SCARB1: variants seen among roughly 807,000 people sequenced by gnomAD.
The protein encoded by SCARB1 is scavenger receptor class B member 1.
In SCARB1, 30 loss-of-function variants were observed where a neutral mutation model predicts 57.2. The observed-to-expected ratio is 0.52, with a 90% confidence interval of 0.39 to 0.71. The LOEUF (loss-of-function observed/expected upper bound fraction) is 0.71. Ranked by LOEUF, SCARB1 falls within the 30% of genes least tolerant of loss-of-function variation. The probability of loss-of-function intolerance (pLI) is 0.00; values close to 1 mark genes in which losing one functional copy is unlikely to be tolerated. For synonymous variants in SCARB1, 249 were observed against 268.3 expected, an observed-to-expected ratio of 0.93 and a Z score of 0.70; for missense variants, 543 against 671.2, an observed-to-expected ratio of 0.81 and a Z score of 2.11.
intron 12 of SCARB1, among the ~76,000 whole-genome samples, chr12:124,780,965 A>G (rs775239935): frequency 6.6e-6 from 1 of 152,194 alleles, no homozygotes; most frequent in Non-Finnish European, 1.5e-5. Context: ...CAAACCGTGC[A>G]CAGCACTACG....
chr12:124,795,072 G>C (rs1235623919), intron 9 of SCARB1, 123 bp downstream of exon 9: 16 of 847,110 alleles, frequency 1.9e-5, no homozygotes, highest in Non-Finnish European at 3.1e-5. Flanking sequence ...ACCCCCAATA[G>C]GACCCTCTCC....
chr12:124,840,986 T>C (rs142809418), intron 1 of SCARB1, among the ~76,000 whole-genome samples: 4,670 of 151,868 alleles, frequency 0.031, 489 homozygotes, highest in East Asian at 0.24. Flanking sequence ...CTGCCCAACA[T>C]GGTGAAACAC....
chr12:124,861,051 A>C (rs568311763), intron 1 of SCARB1, among the ~76,000 whole-genome samples: 2 of 152,276 alleles, frequency 1.3e-5, no homozygotes, highest in South Asian at 4.1e-4. Context: ...GGGGAATAAA[A>C]TGGGGGAAAC....
intron 1 of SCARB1, among the ~76,000 whole-genome samples, chr12:124,832,408 T>C (rs1455452429): frequency 6.6e-6 from 1 of 151,918 alleles, no homozygotes; most frequent in African/African-American, 2.4e-5. Context: ...TGGTCCCAGC[T>C]ACTTGGGAGG....
At chr12:124,791,631 C>T (rs1013904393) in intron 9 of SCARB1, among the ~76,000 whole-genome samples, 2 of 152,166 alleles carry the variant, frequency 1.3e-5, no homozygotes, top group East Asian at 1.9e-4. Context: ...CACTGAGGGG[C>T]GGTGACGAAA....
chr12:124,778,620 C>A (rs553963481), intron 12 of SCARB1, 34 bp from the exon 13 acceptor site: 1 of 1,410,080 alleles, frequency 7.1e-7, no homozygotes, highest in East Asian at 3.0e-5. Context: ...TGACCACCCA[C>A]GCCCTGTCAC....
At position 124,814,828 on chromosome 12, in the gene SCARB1, G is replaced by C; in HGVS notation, c.426+145C>G. ...GAACCCACTGGGGGTGGTGGAGACA[G>C]CACAGGGCCGAAAGCCACCCACCAG... On this transcript the variant is annotated intron_variant, in intron 3 of 12. Transcript: ENST00000261693. This position sits in a 1 kb window ranked among gnomAD's most constrained non-coding sequence, Gnocchi z 4.7. The C allele has an allele frequency of 9.8e-7, 1 of 1,017,612 alleles. No homozygotes were observed. The allele number at this position is 1,017,612 out of a possible 1,614,324, so 63.0% of individuals were successfully genotyped here. A position where few individuals can be genotyped will look rare whatever the true frequency, so the allele number is the denominator to read the frequency against.
chr12:124,845,063 G>A (rs912970843), intron 1 of SCARB1, among the ~76,000 whole-genome samples: 1 of 151,910 alleles, frequency 6.6e-6, no homozygotes, highest in Non-Finnish European at 1.5e-5. Flanking sequence ...GTTTACAGAC[G>A]CAGCCACACA....
chr12:124,780,486 G>A (rs1431205081), intron 12 of SCARB1, among the ~76,000 whole-genome samples: 1 of 152,252 alleles, frequency 6.6e-6, no homozygotes, highest in East Asian at 1.9e-4. Context: ...ACTCAGAACA[G>A]GACCCAAGAG....
chr12:124,849,892 T>G (rs1273419402), intron 1 of SCARB1, among the ~76,000 whole-genome samples: 2 of 65,268 alleles, frequency 3.1e-5, no homozygotes, highest in Non-Finnish European at 7.3e-5. Flanking sequence ...GCAAGACCCC[T>G]GTCTCTACAA....
intron 12 of SCARB1, among the ~76,000 whole-genome samples, chr12:124,781,607 C>T (rs1196907516): frequency 6.6e-6 from 1 of 152,086 alleles, no homozygotes; most frequent in African/African-American, 2.4e-5. Flanking sequence ...GCAGATAGGG[C>T]GGCCACATAA....
chr12:124,809,246 G>A (rs903477131), intron 6 of SCARB1, among the ~76,000 whole-genome samples: 2 of 151,952 alleles, frequency 1.3e-5, no homozygotes, highest in Admixed American at 1.3e-4. Flanking sequence ...GGAGACGGGG[G>A]CCACTTGTAT....
At chr12:124,860,076 G>T (rs975012468) in intron 1 of SCARB1, among the ~76,000 whole-genome samples, 8 of 151,082 alleles carry the variant, frequency 5.3e-5, no homozygotes, top group African/African-American at 1.9e-4. Flanking sequence ...TCAGCGTCCC[G>T]AATAGCTGGG....
chr12:124,824,509 G>A (rs957226393), intron 1 of SCARB1, among the ~76,000 whole-genome samples: 4 of 152,232 alleles, frequency 2.6e-5, no homozygotes, highest in African/African-American at 9.6e-5. Context: ...TTTGTAAATG[G>A]TTTTGGTGAA....
At chr12:124,815,458 C>T (rs984527831) in intron 2 of SCARB1, among the ~76,000 whole-genome samples, 2 of 152,230 alleles carry the variant, frequency 1.3e-5, no homozygotes, top group African/African-American at 4.8e-5. Context: ...AACACAGCCG[C>T]CGGGTGCAGA....
Position 124,823,052 on chromosome 12 carries a change from A to G in SCARB1, c.127-5345T>C, listed in dbSNP as rs145577929. Among the ~76,000 whole-genome samples the G allele has an allele frequency of 7.0e-3, 1,071 of 152,400 alleles. 7 individuals carry two copies. Among genetic ancestry groups the G allele is most frequent in the Middle Eastern group, 0.034 (10 of 294 alleles). On this transcript the variant is annotated intron_variant, in intron 1 of 12. Transcript: ENST00000261693. ...AAAAGGCAGATATGTGCATACACAT[A>G]TAATCCCATTTATGTGACGTTCTAA...
chr12:124,840,593 C>T (rs568542766), intron 1 of SCARB1, among the ~76,000 whole-genome samples: 18 of 152,242 alleles, frequency 1.2e-4, no homozygotes, highest in African/African-American at 3.9e-4. Context: ...ACTCCATCTG[C>T]TCTCAACCTC....
At chr12:124,788,957 C>T (rs145404054) in intron 9 of SCARB1, among the ~76,000 whole-genome samples, 1 of 152,144 alleles carries the variant, frequency 6.6e-6, no homozygotes, top group East Asian at 1.9e-4. Context: ...TGGAAGGAAG[C>T]ACAGCAAATT....
intron 9 of SCARB1, among the ~76,000 whole-genome samples, chr12:124,788,590 G>A (rs1478860289): frequency 3.9e-5 from 6 of 152,204 alleles, no homozygotes; most frequent in Non-Finnish European, 8.8e-5. Flanking sequence ...CATGTGTTGG[G>A]AAAATGGAAC....
Sources: allele counts gnomAD v4.1 joint callset (sites outside exome capture counted in the v4.1 genomes callset), GRCh38; gene constraint gnomAD v4.1.1; non-coding constraint Gnocchi (gnomAD v3.1); transcripts MANE v1.5; gene names NCBI Gene and HGNC (gene_info 2026-07-23, HGNC 2026-07-21).